CRHR2: variants seen among roughly 807,000 people sequenced by gnomAD.
CRHR2 encodes the protein corticotropin-releasing hormone receptor 2.
A neutral mutation model predicts 57.9 loss-of-function variants in CRHR2; 53 were observed. The observed-to-expected ratio is 0.92, with a 90% CI of 0.73 to 1.15. The LOEUF is 1.15. Ranked by LOEUF, CRHR2 falls within the 50% of genes most tolerant of loss-of-function variation. The probability of loss-of-function intolerance (pLI) is 0.00; values close to 1 mark genes in which losing one functional copy is unlikely to be tolerated. For missense variants in CRHR2, 532 were observed against 542.6 expected (o/e 0.98, Z 0.19); for synonymous variants, 213 against 220.9 (o/e 0.96, Z 0.32).
At position 30,665,096 on chromosome 7, in the gene CRHR2, C is replaced by T. The variant is rs1414472602; in HGVS notation, c.517G>A (p.Asp173Asn). Residue 173 changes from aspartate to asparagine, a missense_variant, in exon 5 of 12, where the codon GAC becomes AAC. Coordinates refer to ENST00000471646, the MANE Select transcript of CRHR2 (RefSeq NM_001883.5). The surrounding 1 kb of genome is among the most constrained non-coding windows in gnomAD (Gnocchi z 4.5). ...NVMWFLLQLV[D>N]HEVHESNEVW... ...TCATTGCTCTCGTGCACTTCATGGT[C>T]AACGAGCTGCAGCAGGAACCACATG... The T allele has an allele frequency of 6.2e-7, 1 of 1,613,990 alleles. No homozygotes were observed. Among genetic ancestry groups the T allele is most frequent in the South Asian group, 1.1e-5 (1 of 91,048 alleles).
At chr7:30,689,488 A>G (rs1041856356) in intron 1 of CRHR2, among the ~76,000 whole-genome samples, 3 of 151,972 alleles carry the variant, frequency 2.0e-5, no homozygotes, top group African/African-American at 4.8e-5. Flanking sequence ...AAGTGGCCCA[A>G]TGCAGTGTTG....
chr7:30,684,733 G>A (rs530694828), upstream of CRHR2, among the ~76,000 whole-genome samples: 75 of 152,322 alleles, frequency 4.9e-4, no homozygotes, highest in African/African-American at 1.7e-3. Context: ...TATAGGCACA[G>A]TTGTCATTCG....
upstream of CRHR2, among the ~76,000 whole-genome samples, chr7:30,685,931 G>T (rs1227427182): frequency 6.6e-6 from 1 of 152,086 alleles, no homozygotes; most frequent in Non-Finnish European, 1.5e-5. Flanking sequence ...TTGCAAAGAA[G>T]GTCCTTCGTA....
At chr7:30,663,696 G>T (rs1340083594) in intron 5 of CRHR2, among the ~76,000 whole-genome samples, 2 of 152,260 alleles carry the variant, frequency 1.3e-5, no homozygotes, top group Admixed American at 6.5e-5. Context: ...GTGGGCCATG[G>T]CAGGGCCAGG....
At chr7:30,681,817 G>A in intron 2 of CRHR2, 98 bp downstream of exon 2, 1 of 1,456,502 alleles carries the variant, frequency 6.9e-7, no homozygotes, top group Non-Finnish European at 9.0e-7. Flanking sequence ...GCGGCCGTCA[G>A]CAGCTTTGTA....
chr7:30,698,488 G>C (rs1043825214), intron 1 of CRHR2, among the ~76,000 whole-genome samples: 1 of 152,224 alleles, frequency 6.6e-6, no homozygotes, highest in Non-Finnish European at 1.5e-5. Context: ...ACAAGTGGGA[G>C]AGGGCAAGAG....
chr7:30,656,639 C>A lies in CRHR2; in HGVS notation c.832-627G>T, dbSNP rs576342115. ...CTGGCTCTGAGGCCCCAGGAAGGGC[C>A]TCATTTATCTTCATTCTGAGTTTTC... is the stretch of plus-strand genomic sequence containing the variant. On this transcript the variant is annotated intron_variant, in intron 8 of 11. Transcript: ENST00000471646. The surrounding 1 kb of genome is among the most constrained non-coding windows in gnomAD (Gnocchi z 4.4). 5.9e-5 allele frequency among the ~76,000 whole-genome samples: 9 copies of A among 152,282 alleles called. No individual in the cohort carries two copies. In the South Asian group the frequency reaches 1.7e-3, roughly 28 times the overall value.
intron 8 of CRHR2, among the ~76,000 whole-genome samples, chr7:30,659,373 C>A (rs1783908429): frequency 6.6e-6 from 1 of 152,186 alleles, no homozygotes; most frequent in African/African-American, 2.4e-5. Flanking sequence ...CACCATTGGT[C>A]CCCCATCCAG....
chr7:30,689,409 G>A, intron 1 of CRHR2: 1 of 803,628 alleles, frequency 1.2e-6, no homozygotes, highest in Non-Finnish European at 2.0e-6. Context: ...GGAGAACAAG[G>A]AGGGAGATGC....
At chr7:30,667,005 G>A (rs1784207346) in intron 3 of CRHR2, among the ~76,000 whole-genome samples, 3 of 152,192 alleles carry the variant, frequency 2.0e-5, no homozygotes, top group Non-Finnish European at 4.4e-5. Context: ...TTGTCCTCTA[G>A]CAGCCCAAGC....
chr7:30,686,361 C>T (rs1784856607), upstream of CRHR2: 1 of 1,515,472 alleles, frequency 6.6e-7, no homozygotes, highest in Admixed American at 2.1e-5. Context: ...GACTTCAGCC[C>T]AGTGAGTCAC....
intron 1 of CRHR2, among the ~76,000 whole-genome samples, chr7:30,689,477 G>C (rs946271339): frequency 6.6e-6 from 1 of 152,224 alleles, no homozygotes; most frequent in African/African-American, 2.4e-5. Context: ...AAAGGCCTCA[G>C]AAGTGGCCCA....
intron 8 of CRHR2, 113 bp downstream of exon 8, chr7:30,660,460 G>T: frequency 9.3e-7 from 1 of 1,069,738 alleles, no homozygotes; most frequent in Non-Finnish European, 1.4e-6. Flanking sequence ...GTGGCATATA[G>T]AGTGTGTGCG....
upstream of CRHR2, among the ~76,000 whole-genome samples, chr7:30,684,943 G>A (rs1042272581): frequency 2.0e-5 from 3 of 152,236 alleles, no homozygotes; most frequent in African/African-American, 7.2e-5. Flanking sequence ...GTAGATTAGA[G>A]GCTTTGGGAT....
intron 2 of CRHR2, among the ~76,000 whole-genome samples, chr7:30,675,927 C>A (rs971781667): frequency 4.6e-5 from 7 of 152,202 alleles, no homozygotes; most frequent in African/African-American, 1.7e-4. Context: ...ACTCAGAACC[C>A]CAATAAGGGG....
In CRHR2 at chr7:30,660,591, G is replaced by T; in HGVS notation, c.813C>A (p.Pro271=). ...GGCTTACCAGGAGCACGAGAATGATGGGGCCTTGGTAGATGTAGTCCACCA... is the reference window on the plus strand; with the variant it reads ...GGCTTACCAGGAGCACGAGAATGATTGGGCCTTGGTAGATGTAGTCCACCA... ...GDLVDYIYQG[P]IILVLLINFV... The change falls in exon 8 of 12, where the codon CCC becomes CCA. Residue 271 remains proline, a synonymous_variant. Coordinates refer to ENST00000471646, the MANE Select transcript of CRHR2 (RefSeq NM_001883.5). 1 of 1,568,896 alleles carries T rather than the reference G, an allele frequency of 6.4e-7. No individual in the cohort carries two copies.
intron 2 of CRHR2, among the ~76,000 whole-genome samples, chr7:30,672,460 T>C (rs916677645): frequency 1.3e-5 from 2 of 152,250 alleles, no homozygotes; most frequent in African/African-American, 2.4e-5. Flanking sequence ...GATCTCAGGA[T>C]GGACCAAAGC....
At chr7:30,662,057 C>T in intron 7 of CRHR2, 99 bp downstream of exon 7, 1 of 1,317,672 alleles carries the variant, frequency 7.6e-7, no homozygotes, top group Non-Finnish European at 1.1e-6. Flanking sequence ...GGTGTGGCTA[C>T]AATTCCTGCT....
intron 3 of CRHR2, among the ~76,000 whole-genome samples, chr7:30,666,045 G>A (rs941106937): frequency 1.3e-5 from 2 of 152,120 alleles, no homozygotes; most frequent in African/African-American, 4.8e-5. Context: ...ATTTTTGGGG[G>A]CACATTTTGA....
Sources: gnomAD v4.1 joint callset for allele counts (sites outside exome capture counted in the v4.1 genomes callset) on GRCh38, gnomAD v4.1.1 for gene constraint, Gnocchi (gnomAD v3.1) non-coding constraint, MANE v1.5 for transcripts, NCBI Gene and HGNC (gene_info 2026-07-23, HGNC 2026-07-21) for gene names.